The following RYR2 variants were observed in gnomAD, a reference collection of about 807,000 sequenced individuals.
RYR2 encodes cardiac muscle ryanodine receptor-calcium release channel.
A neutral mutation model predicts 601.1 loss-of-function variants in RYR2; 227 were observed. The observed-to-expected ratio is 0.38, with a 90% CI of 0.34 to 0.42. RYR2 has a LOEUF of 0.42. Ranked by LOEUF, RYR2 falls within the 10% of genes least tolerant of loss-of-function variation. RYR2 has a pLI of 1.00. For synonymous variants in RYR2, 2,223 were observed against 2,175.1 expected, an observed-to-expected ratio of 1.02 and a Z score of -0.61; for missense variants, 4,646 against 6,156.5, an observed-to-expected ratio of 0.75 and a Z score of 8.21.
intron 92 of RYR2, among the ~76,000 whole-genome samples, chr1:237,789,941 G>C (rs879629953): frequency 6.6e-6 from 1 of 152,200 alleles, no homozygotes; most frequent in Non-Finnish European, 1.5e-5. Flanking sequence ...GTGGTGGACA[G>C]CCTTGTTCTA....
intron 3 of RYR2, chr1:237,333,755 A>T: frequency 5.6e-6 from 2 of 357,210 alleles, no homozygotes; most frequent in East Asian, 8.1e-5. Flanking sequence ...CTAATGGGGA[A>T]TTTTTTTATC....
chr1:237,377,457 A>G (rs749320567), intron 8 of RYR2, 22 bp downstream of exon 8: 11 of 1,528,084 alleles, frequency 7.2e-6, no homozygotes, highest in Non-Finnish European at 1.0e-5. Flanking sequence ...AAGTAGGATC[A>G]TGTATCTGCT....
intron 96 of RYR2, among the ~76,000 whole-genome samples, chr1:237,795,697 C>T (rs538342838): frequency 4.0e-5 from 6 of 151,792 alleles, no homozygotes; most frequent in South Asian, 2.1e-4. Flanking sequence ...GTGATCTGCC[C>T]GCCTTGACCT....
At chr1:237,130,231 T>C (rs1278287725) in intron 1 of RYR2, among the ~76,000 whole-genome samples, 1 of 152,208 alleles carries the variant, frequency 6.6e-6, no homozygotes, top group Non-Finnish European at 1.5e-5. Flanking sequence ...TATTTGTGAA[T>C]TATACCTTTA....
intron 92 of RYR2, among the ~76,000 whole-genome samples, chr1:237,788,870 TTTA>T (rs1172490210): frequency 4.6e-5 from 7 of 152,112 alleles, no homozygotes; most frequent in African/African-American, 7.2e-5. Context: ...TTGAAAGGCC[TTTA>T]TTAACATGCA....
At chr1:237,590,612 T>C (rs774523336) in intron 30 of RYR2, 28 bp from the exon 31 acceptor site, 97 of 1,480,064 alleles carry the variant, frequency 6.6e-5, no homozygotes, top group Non-Finnish European at 8.5e-5. Flanking sequence ...GTGATTGGAA[T>C]GTGAACTATC....
At position 237,540,715 on chromosome 1, in the gene RYR2, T is replaced by TAA. The variant is rs61711260; in HGVS notation, c.2907-7701_2907-7700dup. ...AAAGTGAAACTCCGTTTCAAAATAT[T>TAA]AAAAAAAAAAAAAAAAGCATACTAG... On this transcript the variant is annotated intron_variant, in intron 25 of 104. Transcript: ENST00000366574. Among the ~76,000 whole-genome samples the TAA allele has an allele frequency of 4.5e-4, 59 of 130,400 alleles. No homozygotes were observed. In the East Asian group the frequency reaches 4.6e-3, roughly 10 times the overall value. 85.5% of individuals were successfully genotyped at this position (130,400 alleles called of 152,430 possible).
chr1:237,133,320 A>G (rs1367078071), intron 1 of RYR2, among the ~76,000 whole-genome samples: 3 of 152,142 alleles, frequency 2.0e-5, no homozygotes, highest in African/African-American at 7.2e-5. Context: ...ACTTTCTTGA[A>G]TGTGATAATC....
At chr1:237,337,716 C>T (rs1346171336) in intron 3 of RYR2, among the ~76,000 whole-genome samples, 1 of 152,162 alleles carries the variant, frequency 6.6e-6, no homozygotes, top group Non-Finnish European at 1.5e-5. Context: ...CCTGAGTAAG[C>T]TCCTATCAGA....
At position 237,674,216 on chromosome 1, in the gene RYR2, C is replaced by T. The variant is rs1305621872; in HGVS notation, c.8711C>T (p.Ser2904Phe). The change falls in exon 59 of 105, where the codon TCC becomes TTC. Residue 2904 changes from serine to phenylalanine, a missense_variant. Transcript: ENST00000366574. ...KFLQINGYAV[S>F]RGFKDLELDT... ...TTGCAGATCAATGGATATGCTGTATCCAGGTAAAAGTACACATACCCTAAG... is the reference window on the plus strand; with the variant it reads ...TTGCAGATCAATGGATATGCTGTATTCAGGTAAAAGTACACATACCCTAAG... 6.2e-7 allele frequency: 1 copy of T among 1,610,388 alleles called. No individual in the cohort carries two copies. The highest frequency in any genetic ancestry group is 8.5e-7 in the Non-Finnish European group (1 of 1,176,992).
At chr1:237,777,339 G>A (rs971493982) in intron 87 of RYR2, among the ~76,000 whole-genome samples, 1 of 152,166 alleles carries the variant, frequency 6.6e-6, no homozygotes, top group African/African-American at 2.4e-5. Context: ...TATCTCAGCT[G>A]TAGGGCCTCA....
At chr1:237,128,802 G>C (rs1433860156) in intron 1 of RYR2, among the ~76,000 whole-genome samples, 1 of 152,126 alleles carries the variant, frequency 6.6e-6, no homozygotes, top group Non-Finnish European at 1.5e-5. Context: ...GGTAGTAGCT[G>C]GCATCAGGAT....
In RYR2 at chr1:237,121,921, C is replaced by T. The variant is rs192999850; in HGVS notation, c.48+79352C>T. Among the ~76,000 whole-genome samples the T allele has an allele frequency of 9.2e-5, 14 of 152,286 alleles. No homozygotes were observed. In the East Asian group the frequency reaches 2.5e-3, roughly 27 times the overall value. On this transcript the variant is annotated intron_variant, in intron 1 of 104. Coordinates refer to ENST00000366574, the MANE Select transcript of RYR2 (RefSeq NM_001035.3). ...TAAGTGTGAAATGCAGGAAAACAGA[C>T]AATGGATGATGGTTCATTGATGTGG... is the stretch of plus-strand genomic sequence containing the variant.
chr1:237,562,864 T>C (rs1671592397), intron 27 of RYR2, among the ~76,000 whole-genome samples: 1 of 152,166 alleles, frequency 6.6e-6, no homozygotes, highest in Non-Finnish European at 1.5e-5. Context: ...GGCTGCTATA[T>C]CCGGAGCCCG....
intron 39 of RYR2, 32 bp from the exon 40 acceptor site, chr1:237,625,628 AT>A: frequency 6.2e-7 from 1 of 1,600,814 alleles, no homozygotes; most frequent in Middle Eastern, 1.7e-4. Context: ...TTCTTTAAAT[AT>A]TTTTTTCTGC....
In RYR2 at chr1:237,721,170, A is replaced by G. The variant is rs548434511; in HGVS notation, c.10555-1958A>G. 2.2e-4 allele frequency among the ~76,000 whole-genome samples: 33 copies of G among 152,334 alleles called. No individual in the cohort carries two copies. In the South Asian group the frequency reaches 6.8e-3, roughly 32 times the overall value. ...GAGGCCAGAGGAGTAATTTTATGTT[A>G]GAATAAAGATTCTACTTTATTAATT... On this transcript the variant is annotated intron_variant, in intron 73 of 104. Coordinates refer to ENST00000366574, the MANE Select transcript of RYR2 (RefSeq NM_001035.3).
intron 79 of RYR2, among the ~76,000 whole-genome samples, chr1:237,739,554 G>A (rs1160018362): frequency 6.6e-6 from 1 of 152,096 alleles, no homozygotes; most frequent in East Asian, 1.9e-4. Context: ...TTCCAGCTAA[G>A]GGAACTCTTT....
At chr1:237,365,225 A>G (rs977164179) in intron 5 of RYR2, among the ~76,000 whole-genome samples, 3 of 152,230 alleles carry the variant, frequency 2.0e-5, no homozygotes, top group Admixed American at 6.5e-5. Flanking sequence ...ATTTTGAAAG[A>G]AAGAGACTGT....
At chr1:237,560,191 G>A (rs1189467143) in intron 27 of RYR2, among the ~76,000 whole-genome samples, 1 of 152,176 alleles carries the variant, frequency 6.6e-6, no homozygotes, top group Non-Finnish European at 1.5e-5. Context: ...GAATATGTTG[G>A]AGCTTCTCAC....
Sources: allele counts gnomAD v4.1 joint callset (sites outside exome capture counted in the v4.1 genomes callset), GRCh38; gene constraint gnomAD v4.1.1; transcripts MANE v1.5; gene names NCBI Gene and HGNC (gene_info 2026-07-23, HGNC 2026-07-21).